Variants in IMMP2L observed in about 807,000 individuals in gnomAD.
IMMP2L encodes mitochondrial inner membrane protease subunit 2.
IMMP2L carries 18 observed loss-of-function variants against 19.3 expected under a neutral mutation model. The observed-to-expected ratio is 0.93, with a 90% confidence interval of 0.64 to 1.38. The LOEUF (loss-of-function observed/expected upper bound fraction) is 1.38. Ranked by LOEUF, IMMP2L falls within the 40% of genes most tolerant of loss-of-function variation. IMMP2L has a pLI of 0.00. For synonymous variants in IMMP2L, 76 were observed against 73.0 expected (o/e 1.04, Z -0.21); for missense variants, 233 against 218.2 (o/e 1.07, Z -0.43).
chr7:111,363,380 C>T (rs943427434), intron 3 of IMMP2L, among the ~76,000 whole-genome samples: 8 of 152,004 alleles, frequency 5.3e-5, no homozygotes, highest in African/African-American at 1.4e-4. Flanking sequence ...TTGAGAAGCA[C>T]GGACCTAAGA....
At chr7:111,234,902 C>T (rs1248672125) in intron 3 of IMMP2L, among the ~76,000 whole-genome samples, 3 of 152,036 alleles carry the variant, frequency 2.0e-5, no homozygotes, top group African/African-American at 7.2e-5. Flanking sequence ...CTATATATGT[C>T]ACGAAGTCCA....
At chr7:110,778,710 T>C (rs575000212) in intron 5 of IMMP2L, among the ~76,000 whole-genome samples, 1 of 152,098 alleles carries the variant, frequency 6.6e-6, no homozygotes, top group South Asian at 2.1e-4. Context: ...AAGCAGAGGA[T>C]AGAAACACAG....
chr7:111,382,958 G>A (rs1405998658), intron 3 of IMMP2L, among the ~76,000 whole-genome samples: 1 of 152,014 alleles, frequency 6.6e-6, no homozygotes, highest in Non-Finnish European at 1.5e-5. Context: ...CGAAAGCCAA[G>A]GACACAGATT....
rs576639880 is a variant in IMMP2L, at chr7:111,144,926, T to C, written c.240-181361A>G. The stretch of plus-strand genomic sequence containing the variant: ...TTATGAAAGCAAAACATGAATATTG[T>C]CTTAAAGGGGCCTGATCTGAACTGT... On this transcript the variant is annotated intron_variant, in intron 3 of 5. Transcript: ENST00000405709. 2.6e-5 allele frequency among the ~76,000 whole-genome samples: 4 copies of C among 152,198 alleles called. No homozygotes were observed. The East Asian group carries it at 7.7e-4, about 29-fold the overall frequency.
chr7:110,986,342 C>T (rs1450373694), intron 3 of IMMP2L, among the ~76,000 whole-genome samples: 6 of 152,112 alleles, frequency 3.9e-5, no homozygotes, highest in Admixed American at 6.6e-5. Context: ...TCTCAGCTCT[C>T]GTGGTTAGAA....
chr7:110,860,427 T>G (rs973323229), intron 5 of IMMP2L, among the ~76,000 whole-genome samples: 1 of 152,080 alleles, frequency 6.6e-6, no homozygotes, highest in African/African-American at 2.4e-5. Flanking sequence ...GTAATACCTT[T>G]TATTGACCAA....
At chr7:111,003,029 T>G (rs62464038) in intron 3 of IMMP2L, among the ~76,000 whole-genome samples, 1 of 152,080 alleles carries the variant, frequency 6.6e-6, no homozygotes, top group Non-Finnish European at 1.5e-5. Flanking sequence ...CTAGTTGACA[T>G]AGATATTGTC....
At chr7:111,101,875 G>A (rs572514719) in intron 3 of IMMP2L, among the ~76,000 whole-genome samples, 2 of 151,468 alleles carry the variant, frequency 1.3e-5, no homozygotes, top group South Asian at 2.1e-4. Flanking sequence ...TCATTTCTTG[G>A]CAGTCAGGTG....
intron 3 of IMMP2L, among the ~76,000 whole-genome samples, chr7:111,042,550 C>T (rs951343031): frequency 1.3e-5 from 2 of 152,190 alleles, no homozygotes; most frequent in African/African-American, 2.4e-5. Context: ...CTTGGATAAA[C>T]AACAAGCTCA....
chr7:111,426,247 T>G lies in IMMP2L; in HGVS notation c.239+60991A>C, dbSNP rs538308988. 3.3e-5 allele frequency among the ~76,000 whole-genome samples: 5 copies of G among 151,336 alleles called. No individual in the cohort carries two copies. In the South Asian group the frequency reaches 1.0e-3, roughly 31 times the overall value. ...AAATAAATATATGTACATTAATCCC[T>G]CCTTTTTGTATCTTACATACTGATT... On this transcript the variant is annotated intron_variant, in intron 3 of 5. Transcript: ENST00000405709.
chr7:110,779,943 C>T (rs566858051), intron 5 of IMMP2L, among the ~76,000 whole-genome samples: 5 of 151,916 alleles, frequency 3.3e-5, no homozygotes, highest in Admixed American at 1.3e-4. Flanking sequence ...GGAAAACACA[C>T]GTTGGCTATA....
At chr7:110,908,227 T>C (rs879760505) in intron 4 of IMMP2L, among the ~76,000 whole-genome samples, 1 of 146,062 alleles carries the variant, frequency 6.8e-6, no homozygotes, top group Non-Finnish European at 1.6e-5. Flanking sequence ...AACTGACCCC[T>C]TTTTTATTAA....
rs184607888 is a variant in IMMP2L at position 110,896,239 on chromosome 7, T to C, written c.306-9544A>G. On this transcript the variant is annotated intron_variant, in intron 4 of 5. Transcript: ENST00000405709. ...AGACATTATATAAGTTGACTCAATA[T>C]AGAAAAGATAACTCCACACTGTAAA... Among the ~76,000 whole-genome samples, 5 of 152,280 alleles carry C rather than the reference T, an allele frequency of 3.3e-5. No individual in the cohort carries two copies. The East Asian group carries it at 9.6e-4, about 29-fold the overall frequency.
chr7:111,329,383 GACCTACCT>G (rs1187019871), intron 3 of IMMP2L, among the ~76,000 whole-genome samples: 2 of 151,792 alleles, frequency 1.3e-5, no homozygotes, highest in African/African-American at 4.8e-5. Context: ...TAAACATCAA[GACCTACCT>G]ACCTCTCTCA....
chr7:110,699,654 C>T (rs951692618), intron 5 of IMMP2L, among the ~76,000 whole-genome samples: 1 of 151,694 alleles, frequency 6.6e-6, no homozygotes, highest in African/African-American at 2.4e-5. Context: ...ACCTGTAATC[C>T]CAGCTGGGGA....
chr7:110,726,137 G>A (rs888323378), intron 5 of IMMP2L, among the ~76,000 whole-genome samples: 22 of 152,152 alleles, frequency 1.4e-4, no homozygotes, highest in Non-Finnish European at 2.6e-4. Flanking sequence ...CTCTCATATG[G>A]AAATTCACCA....
chr7:111,509,671 T>C (rs1845265381), intron 2 of IMMP2L, among the ~76,000 whole-genome samples: 1 of 152,150 alleles, frequency 6.6e-6, no homozygotes, highest in African/African-American at 2.4e-5. Flanking sequence ...TGCATGTATG[T>C]GTGTATAGTG....
chr7:110,987,968 T>C (rs1822033987), intron 3 of IMMP2L, among the ~76,000 whole-genome samples: 1 of 152,022 alleles, frequency 6.6e-6, no homozygotes, highest in African/African-American at 2.4e-5. Context: ...TAGTTCTAGA[T>C]CAGTGAAAGA....
chr7:111,477,464 CA>C (rs1378624261), intron 3 of IMMP2L, among the ~76,000 whole-genome samples: 1 of 152,032 alleles, frequency 6.6e-6, no homozygotes, highest in Non-Finnish European at 1.5e-5. Flanking sequence ...AGAATATTTC[CA>C]ACAGGTACAA....
Sources: allele counts gnomAD v4.1 joint callset (sites outside exome capture counted in the v4.1 genomes callset), GRCh38; gene constraint gnomAD v4.1.1; transcripts MANE v1.5; gene names NCBI Gene and HGNC (gene_info 2026-07-23, HGNC 2026-07-21).